The following PCDHGA4 variants were observed in gnomAD, a reference collection of about 807,000 sequenced individuals.
PCDHGA4 encodes protocadherin gamma subfamily A, 4.
A neutral mutation model predicts 54.6 loss-of-function variants in PCDHGA4; 38 were observed. The ratio of observed to expected loss-of-function variants is 0.70; its 90% CI spans 0.54 to 0.91. The LOEUF (loss-of-function observed/expected upper bound fraction) is 0.91. Among genes scored for constraint, PCDHGA4 ranks in the 40% least tolerant of loss-of-function variants. PCDHGA4 has a pLI of 0.00. For synonymous variants in PCDHGA4, 511 were observed against 512.9 expected (o/e 1.00, Z 0.05); for missense variants, 1,298 against 1,220.9 (o/e 1.06, Z -0.94).
At chr5:141,366,835 A>C (rs1011938968) in intron 1 of PCDHGA4, 2 of 1,511,404 alleles carry the variant, frequency 1.3e-6, no homozygotes, top group Non-Finnish European at 1.8e-6. Flanking sequence ...AGAATCAGCT[A>C]GTTATGTAAA....
chr5:141,451,789 G>A (rs2098724524), intron 1 of PCDHGA4, among the ~76,000 whole-genome samples: 1 of 152,074 alleles, frequency 6.6e-6, no homozygotes, highest in South Asian at 2.1e-4. Flanking sequence ...GCTGAGGCCA[G>A]AGAATTGCTT....
At chr5:141,360,583 A>G (rs769168418) in intron 1 of PCDHGA4, 1 of 1,614,004 alleles carries the variant, frequency 6.2e-7, no homozygotes, top group South Asian at 1.1e-5. Context: ...TAAGCCAGGT[A>G]CAACATTTCC....
At chr5:141,475,957 G>A (rs776101269) in intron 1 of PCDHGA4, 148 of 812,416 alleles carry the variant, frequency 1.8e-4, no homozygotes, top group Non-Finnish European at 2.6e-4. Flanking sequence ...CTGCGCCCCG[G>A]GATGAGGCAG....
At chr5:141,407,978 A>T (rs1354199341) in intron 1 of PCDHGA4, 8 of 743,974 alleles carry the variant, frequency 1.1e-5, no homozygotes, top group Non-Finnish European at 1.4e-5. Flanking sequence ...GACGCCGGGG[A>T]TCCGTCAGCC....
chr5:141,395,038 G>A lies in PCDHGA4; in HGVS notation c.2514+37417G>A, dbSNP rs762482437. On this transcript the variant is annotated intron_variant, in intron 1 of 3. Transcript: ENST00000571252. Reference sequence around the variant, plus strand: ...GGCGTGCCTGCCTCACATTTTGTGGGTGTTGAGGAGGTACAGGCTTTCCTG... The same window carrying A: ...GGCGTGCCTGCCTCACATTTTGTGGATGTTGAGGAGGTACAGGCTTTCCTG... 5.3e-5 allele frequency: 85 copies of A among 1,614,150 alleles called. 1 individual carries two copies. Among genetic ancestry groups the A allele is most frequent in the Non-Finnish European group, 7.1e-5 (84 of 1,180,034 alleles).
Position 141,486,998 on chromosome 5 carries a change from C to G in PCDHGA4, c.2515-7809C>G, listed in dbSNP as rs754609128. On this transcript the variant is annotated intron_variant, in intron 1 of 3. Coordinates refer to ENST00000571252, the MANE Select transcript of PCDHGA4 (RefSeq NM_018917.4). The surrounding 1 kb of genome is among the most constrained non-coding windows in gnomAD (Gnocchi z 5.0). ...AGGTTACAATGCTTGGGTTTCCTAT[C>G]AGCTCCTGGAGGCCCCAGATCCCAG... The G allele has an allele frequency of 6.2e-7, 1 of 1,614,206 alleles. No homozygotes were observed. Among genetic ancestry groups the G allele is most frequent in the Non-Finnish European group, 8.5e-7 (1 of 1,180,034 alleles).
chr5:141,390,851 G>T (rs2092239783), intron 1 of PCDHGA4: 1 of 157,664 alleles, frequency 6.3e-6, no homozygotes. Context: ...ATTATATGCA[G>T]TGTACGCTGT....
intron 1 of PCDHGA4, chr5:141,390,092 G>A (rs1469999630): frequency 1.9e-6 from 3 of 1,613,918 alleles, no homozygotes; most frequent in African/African-American, 2.7e-5. Context: ...CCGAATCCGT[G>A]GTTCCCCCCA....
At chr5:141,488,159 C>T (rs888153570) in intron 1 of PCDHGA4, among the ~76,000 whole-genome samples, 1 of 152,126 alleles carries the variant, frequency 6.6e-6, no homozygotes, top group Non-Finnish European at 1.5e-5. Flanking sequence ...GAGAGGCACG[C>T]ATCAGAGTGG....
chr5:141,431,513 C>G lies in PCDHGA4; in HGVS notation c.2515-63294C>G. ...TCAGCCCGAGTACCGCGCGAGCGTT[C>G]CGGAGAATCTGGCCTTGGGCACGCA... On this transcript the variant is annotated intron_variant, in intron 1 of 3. Transcript: ENST00000571252. The surrounding 1 kb of genome is among the most constrained non-coding windows in gnomAD (Gnocchi z 4.8). 6.2e-7 allele frequency: 1 copy of G among 1,614,022 alleles called. No homozygotes were observed. Among genetic ancestry groups the G allele is most frequent in the South Asian group, 1.1e-5 (1 of 91,088 alleles).
rs1199102847 is a variant in PCDHGA4, at chr5:141,477,997, A to G, written c.2515-16810A>G. 2 of 1,614,112 alleles carry G rather than the reference A, an allele frequency of 1.2e-6. No individual in the cohort carries two copies. Among genetic ancestry groups the G allele is most frequent in the Non-Finnish European group, 1.7e-6 (2 of 1,180,016 alleles). On this transcript the variant is annotated intron_variant, in intron 1 of 3. Coordinates refer to ENST00000571252, the MANE Select transcript of PCDHGA4 (RefSeq NM_018917.4). This position sits in a 1 kb window ranked among gnomAD's most constrained non-coding sequence, Gnocchi z 4.9. ...TTGCCATAGGGCTGCACACTGGTCAAATCAGTACTGCCCGTCCAGTCCAAG... is the reference window on the plus strand; with the variant it reads ...TTGCCATAGGGCTGCACACTGGTCAGATCAGTACTGCCCGTCCAGTCCAAG...
intron 1 of PCDHGA4, chr5:141,416,429 G>A (rs952059043): frequency 1.3e-5 from 2 of 152,144 alleles, no homozygotes; most frequent in African/African-American, 4.8e-5. Flanking sequence ...AGTGACTAAG[G>A]CTGAAAGTAA....
At chr5:141,403,416 C>T in intron 1 of PCDHGA4, 1 of 1,614,034 alleles carries the variant, frequency 6.2e-7, no homozygotes, top group Non-Finnish European at 8.5e-7. Context: ...TATCCACTTC[C>T]AGAAGCTATT....
rs369323252 is a variant in PCDHGA4 at position 141,487,658 on chromosome 5, G to T, written c.2515-7149G>T. ...TCAACAAATGCTTGAGGGTTATTCT[G>T]ATCCAGGCATATGGCTAGGCCATGT... On this transcript the variant is annotated intron_variant, in intron 1 of 3. Coordinates refer to ENST00000571252, the MANE Select transcript of PCDHGA4 (RefSeq NM_018917.4). This position sits in a 1 kb window ranked among gnomAD's most constrained non-coding sequence, Gnocchi z 5.0. The T allele has an allele frequency of 8.7e-5, 140 of 1,613,508 alleles. No individual in the cohort carries two copies. The highest frequency in any genetic ancestry group is 1.1e-4 in the Non-Finnish European group (134 of 1,179,802).
chr5:141,383,073 G>A, intron 1 of PCDHGA4: 1 of 1,613,920 alleles, frequency 6.2e-7, no homozygotes. Context: ...AGCCCCGGGA[G>A]CTGGCGGAGC....
Position 141,366,189 on chromosome 5 carries a change from G to A in PCDHGA4, c.2514+8568G>A, listed in dbSNP as rs1488464749. ...AGCGAGCCAGGACTCTTTGCGGTTG[G>A]GCTGCACACGGGCGAGGTGCGCACA... On this transcript the variant is annotated intron_variant, in intron 1 of 3. Coordinates refer to ENST00000571252, the MANE Select transcript of PCDHGA4 (RefSeq NM_018917.4). 14 of 1,613,804 alleles carry A rather than the reference G, an allele frequency of 8.7e-6. No homozygotes were observed. In the Middle Eastern group the frequency reaches 9.9e-4, roughly 114 times the overall value.
intron 1 of PCDHGA4, chr5:141,394,183 A>G: frequency 1.2e-6 from 2 of 1,613,702 alleles, no homozygotes; most frequent in Non-Finnish European, 1.7e-6. Context: ...CATGCCTCCT[A>G]CTCAGCGTAT....
Position 141,486,427 on chromosome 5 carries a change from A to G in PCDHGA4, c.2515-8380A>G. On this transcript the variant is annotated intron_variant, in intron 1 of 3. Transcript: ENST00000571252. This position sits in a 1 kb window ranked among gnomAD's most constrained non-coding sequence, Gnocchi z 5.0. ...CTGGACCCTTGGATCGAGAGGCCAA[A>G]TCTAGCTATGACATCATGGTCACTG... The G allele has an allele frequency of 6.2e-7, 1 of 1,614,160 alleles. No homozygotes were observed. Among genetic ancestry groups the G allele is most frequent in the Non-Finnish European group, 8.5e-7 (1 of 1,180,016 alleles).
intron 1 of PCDHGA4, chr5:141,361,220 C>G (rs1466381817): frequency 6.2e-7 from 1 of 1,613,950 alleles, no homozygotes; most frequent in African/African-American, 1.3e-5. Flanking sequence ...GATTCGCCAC[C>G]AGGAACAGTG....
Sources: gnomAD v4.1 joint callset for allele counts (sites outside exome capture counted in the v4.1 genomes callset) on GRCh38, gnomAD v4.1.1 for gene constraint, Gnocchi (gnomAD v3.1) non-coding constraint, MANE v1.5 for transcripts, NCBI Gene and HGNC (gene_info 2026-07-23, HGNC 2026-07-21) for gene names.